The following DUSP22 variants were observed in gnomAD, a reference collection of about 807,000 sequenced individuals.
DUSP22 encodes the protein dual specificity phosphatase 22, also known as dual specificity protein phosphatase 22.
A neutral mutation model predicts 24.5 loss-of-function variants in DUSP22; 24 were observed. The ratio of observed to expected loss-of-function variants is 0.98; its 90% CI spans 0.71 to 1.38. The LOEUF is 1.38. Among genes scored for constraint, DUSP22 ranks in the 40% most tolerant of loss-of-function variants. The probability of loss-of-function intolerance (pLI) is 0.00; values close to 1 mark genes in which losing one functional copy is unlikely to be tolerated. For missense variants in DUSP22, 330 were observed against 269.2 expected, an observed-to-expected ratio of 1.23 and a Z score of -1.58; for synonymous variants, 160 against 106.4, an observed-to-expected ratio of 1.50 and a Z score of -3.10.
chr6:349,149 C>G lies in DUSP22; in HGVS notation c.*198C>G, dbSNP rs1760045579. ...TCCGCCCACCCCTACCCTGGCTGCA[C>G]CTGAGCTTGCTGCCCCTGGGGATGT... On this transcript the variant is annotated 3_prime_UTR_variant, in exon 7 of 7. Transcript: ENST00000419235. 1 of 1,434,978 alleles carries G rather than the reference C, an allele frequency of 7.0e-7. No individual in the cohort carries two copies. 88.9% of individuals were successfully genotyped at this position (1,434,978 alleles called of 1,614,324 possible).
intron 3 of DUSP22, among the ~76,000 whole-genome samples, chr6:315,049 G>A (rs1758279734): frequency 1.3e-5 from 2 of 152,308 alleles, no homozygotes; most frequent in South Asian, 2.1e-4. Context: ...GGTCTCTGAT[G>A]CGTCTTGGGT....
At chr6:330,719 C>A (rs71548201) in intron 3 of DUSP22, among the ~76,000 whole-genome samples, 2 of 152,380 alleles carry the variant, frequency 1.3e-5, no homozygotes, top group East Asian at 3.9e-4. Flanking sequence ...TTTGAAGAGC[C>A]GCTGGAAAAC....
At chr6:305,143 G>T (rs1757764752) in intron 2 of DUSP22, among the ~76,000 whole-genome samples, 1 of 152,306 alleles carries the variant, frequency 6.6e-6, no homozygotes, top group South Asian at 2.1e-4. Context: ...CTTTTTAAAA[G>T]ATCAGCTTTA....
In DUSP22 at chr6:349,709, T is replaced by C; in HGVS notation, c.*758T>C. 2 of 986,110 alleles carry C rather than the reference T, an allele frequency of 2.0e-6. No homozygotes were observed. The highest frequency in any genetic ancestry group is 2.4e-6 in the Non-Finnish European group (2 of 830,360). 61.1% of individuals were successfully genotyped at this position (986,110 alleles called of 1,614,324 possible). ...TTTAAGGGAAGTATCTTAGATTGCC[T>C]CCATCTCAATGTGAATGCACCAGGC... On this transcript the variant is annotated 3_prime_UTR_variant, in exon 7 of 7. Transcript: ENST00000419235.
intron 3 of DUSP22, among the ~76,000 whole-genome samples, chr6:330,280 C>G (rs112730377): frequency 0.018 from 2,691 of 151,418 alleles, 2 homozygotes; most frequent in Non-Finnish European, 0.018. Context: ...TTGCTCTCCC[C>G]CTCCTTGTGT....
intron 1 of DUSP22, among the ~76,000 whole-genome samples, chr6:295,563 C>A (rs530891717): frequency 5.9e-4 from 90 of 152,306 alleles, no homozygotes; most frequent in African/African-American, 2.1e-3. Flanking sequence ...CTGCTTGAGT[C>A]CAGGAGTTTA....
intron 3 of DUSP22, among the ~76,000 whole-genome samples, chr6:319,375 T>C (rs1029076626): frequency 2.0e-5 from 3 of 152,306 alleles, no homozygotes; most frequent in African/African-American, 7.2e-5. Flanking sequence ...AGCTACATCC[T>C]GTTGTCCACG....
At chr6:348,593 G>T (rs1340587991) in intron 6 of DUSP22, 176 bp from the exon 7 acceptor site, 2 of 1,135,560 alleles carry the variant, frequency 1.8e-6, no homozygotes, top group Non-Finnish European at 1.3e-6. Flanking sequence ...TGAAGGAGCA[G>T]TTCCTTCTCT....
At chr6:305,642 T>C (rs1757786146) in intron 2 of DUSP22, among the ~76,000 whole-genome samples, 1 of 152,302 alleles carries the variant, frequency 6.6e-6, no homozygotes, top group Non-Finnish European at 1.5e-5. Context: ...GCTTGTCGGC[T>C]TCCAGGGAGG....
rs946212523 is a variant in DUSP22, at chr6:349,353, C to G, written c.*402C>G. On this transcript the variant is annotated 3_prime_UTR_variant, in exon 7 of 7. Transcript: ENST00000419235. ...ATGAATGTTTGTGTGTGTGTGAACT[C>G]TTTCTTACTGCTGGAAGTCACAGAA... 1 of 1,042,922 alleles carries G rather than the reference C, an allele frequency of 9.6e-7. No homozygotes were observed. The highest frequency in any genetic ancestry group is 3.8e-5 in the South Asian group (1 of 26,442). 64.6% of individuals were successfully genotyped at this position (1,042,922 alleles called of 1,614,324 possible).
At chr6:322,024 G>A (rs1446731534) in intron 3 of DUSP22, among the ~76,000 whole-genome samples, 7 of 152,426 alleles carry the variant, frequency 4.6e-5, no homozygotes, top group South Asian at 4.1e-4. Context: ...TCGGCTGGAC[G>A]TGAAGATTTG....
chr6:340,893 G>T (rs1267557581), intron 4 of DUSP22, among the ~76,000 whole-genome samples: 1 of 152,306 alleles, frequency 6.6e-6, no homozygotes, highest in Non-Finnish European at 1.5e-5. Flanking sequence ...TAGTTGTTCA[G>T]CCTCAAAAGT....
intron 1 of DUSP22, among the ~76,000 whole-genome samples, chr6:294,276 G>C (rs893431080): frequency 6.6e-6 from 1 of 152,414 alleles, no homozygotes; most frequent in East Asian, 1.9e-4. Flanking sequence ...TACATGTATA[G>C]AGAGATTTAG....
At chr6:317,708 G>A (rs980366415) in intron 3 of DUSP22, among the ~76,000 whole-genome samples, 1 of 152,302 alleles carries the variant, frequency 6.6e-6, no homozygotes, top group Non-Finnish European at 1.5e-5. Context: ...GAGCTGGCCT[G>A]GGAGCCCACA....
At chr6:324,255 CCTT>C (rs1419352532) in intron 3 of DUSP22, among the ~76,000 whole-genome samples, 12 of 152,422 alleles carry the variant, frequency 7.9e-5, no homozygotes, top group East Asian at 3.9e-4. Flanking sequence ...CCTAGGGCCT[CCTT>C]CTGTGCCATG....
intron 2 of DUSP22, among the ~76,000 whole-genome samples, chr6:306,568 A>G (rs976733266): frequency 4.3e-4 from 65 of 152,280 alleles, no homozygotes; most frequent in Non-Finnish European, 6.9e-4. Context: ...TGATATTGGT[A>G]TGAGGTTGTG....
In DUSP22 at chr6:311,888, G is replaced by C. The variant is rs776134127; in HGVS notation, c.64G>C (p.Asp22His). 4.3e-6 allele frequency: 7 copies of C among 1,612,096 alleles called. No homozygotes were observed. Among genetic ancestry groups the C allele is most frequent in the Non-Finnish European group, 1.7e-6 (2 of 1,178,806 alleles). Reference protein sequence around the residue: ...LYIGNFKDARDAEQLSKNKVT... With the variant: ...LYIGNFKDARHAEQLSKNKVT... ...CCTTTCTTCTCTGACAGATGCCAGA[G>C]ACGCGGAACAATTGAGCAAGAACAA... The change falls in exon 3 of 7, where the codon GAC becomes CAC. Residue 22 changes from aspartate (D) to histidine (H), a missense_variant. Transcript: ENST00000419235.
At chr6:295,772 C>A (rs1003801109) in intron 1 of DUSP22, among the ~76,000 whole-genome samples, 2 of 150,810 alleles carry the variant, frequency 1.3e-5, no homozygotes, top group Admixed American at 1.3e-4. Flanking sequence ...CGCACTCCAG[C>A]CTGAGCGACA....
intron 3 of DUSP22, among the ~76,000 whole-genome samples, chr6:329,040 C>T (rs868310953): frequency 2.0e-4 from 30 of 152,290 alleles, no homozygotes; most frequent in Admixed American, 3.3e-4. Context: ...GCATGTGCCA[C>T]GCACCGAGCT....
Sources: gnomAD v4.1 joint callset for allele counts (sites outside exome capture counted in the v4.1 genomes callset) on GRCh38, gnomAD v4.1.1 for gene constraint, MANE v1.5 for transcripts, NCBI Gene and HGNC (gene_info 2026-07-23, HGNC 2026-07-21) for gene names.